The following MEIOSIN variants were observed in gnomAD, a reference collection of about 807,000 sequenced individuals.
MEIOSIN encodes meiosis initiator, also known as meiosis initiator protein.
In MEIOSIN, 18 loss-of-function variants were observed where a neutral mutation model predicts 23.4. The observed-to-expected ratio is 0.77, with a 90% CI of 0.53 to 1.14. The LOEUF is 1.14. Among genes scored for constraint, MEIOSIN ranks in the 50% most tolerant of loss-of-function variants. The pLI, the probability that MEIOSIN is intolerant of heterozygous loss-of-function variation, is 0.00. For synonymous variants in MEIOSIN, 187 were observed against 100.6 expected (o/e 1.86, Z -5.14); for missense variants, 428 against 242.9 (o/e 1.76, Z -5.07).
chr19:45,755,506 T>G (rs904954875), intron 7 of MEIOSIN, among the ~76,000 whole-genome samples: 1 of 151,856 alleles, frequency 6.6e-6, no homozygotes, highest in African/African-American at 2.4e-5. Context: ...CATGCTGGAG[T>G]GCAGTGGTGC....
Position 45,762,022 on chromosome 19 carries a change from A to C in MEIOSIN, c.1518A>C (p.Ser506=). The C allele has an allele frequency of 2.1e-6, 1 of 486,188 alleles. No homozygotes were observed. Among genetic ancestry groups the C allele is most frequent in the South Asian group, 4.0e-5 (1 of 25,088 alleles). 30.1% of individuals were successfully genotyped at this position (486,188 alleles called of 1,614,324 possible). A position where few individuals can be genotyped will look rare whatever the true frequency, so the allele number is the denominator to read the frequency against. The change falls in exon 13 of 15, where the codon TCA becomes TCC. Residue 506 remains serine (S), a synonymous_variant. Coordinates refer to ENST00000457052, the MANE Select transcript of MEIOSIN (RefSeq NM_001310124.2). ...CATGGACCCCCACCCGGCTGGCCTC[A>C]CCCCTGCTGGCAGCTGAGAAAAAGG... ...DTTWTPTRLA[S]PLLAAEKKAT...
At chr19:45,743,610 C>T (rs1274206573) in intron 3 of MEIOSIN, among the ~76,000 whole-genome samples, 1 of 152,092 alleles carries the variant, frequency 6.6e-6, no homozygotes, top group Non-Finnish European at 1.5e-5. Flanking sequence ...CAACCTGTGC[C>T]TCCTAGGCTC....
intron 5 of MEIOSIN, among the ~76,000 whole-genome samples, chr19:45,753,351 G>T (rs866539922): frequency 6.6e-6 from 1 of 152,170 alleles, no homozygotes; most frequent in Non-Finnish European, 1.5e-5. Context: ...GCGGGAGGAG[G>T]TACTGGTGTG....
rs61729469 is a variant in MEIOSIN at position 45,754,561 on chromosome 19, G to A, written c.639G>A (p.Gln213=). 5.4e-5 allele frequency: 38 copies of A among 702,940 alleles called. No homozygotes were observed. Among genetic ancestry groups the A allele is most frequent in the Admixed American group, 2.4e-4 (12 of 49,994 alleles). The allele number at this position is 702,940 out of a possible 1,614,324, so 43.5% of individuals were successfully genotyped here. Reference sequence around the variant, plus strand: ...AGCTGGTGGCCCCATCCCCAGACCAGAAAGGAAGTGGCACAGGGGGGACCA... The same window carrying A: ...AGCTGGTGGCCCCATCCCCAGACCAAAAAGGAAGTGGCACAGGGGGGACCA... ...PEKLVAPSPD[Q]KGSGTGGTTT... is the part of the protein sequence containing the mutation. The change falls in exon 7 of 15, where the codon CAG becomes CAA. Residue 213 remains glutamine (Q), a synonymous_variant. Transcript: ENST00000457052.
intron 5 of MEIOSIN, among the ~76,000 whole-genome samples, chr19:45,751,416 C>T (rs950321573): frequency 3.3e-5 from 5 of 151,844 alleles, no homozygotes; most frequent in African/African-American, 1.2e-4. Context: ...TGCTGGAAAC[C>T]ATTTGGGATC....
chr19:45,737,870 C>T lies in MEIOSIN; in HGVS notation c.72-1756C>T, dbSNP rs894261891. Among the ~76,000 whole-genome samples, 14 of 151,016 alleles carry T rather than the reference C, an allele frequency of 9.3e-5. No homozygotes were observed. The East Asian group carries it at 1.2e-3, about 13-fold the overall frequency. Reference sequence around the variant, plus strand: ...CCAGGAGGCAGAGGTTGCAGTGAGCCGAGATCGCGCCATTGCACTCCAGCC... The same window carrying T: ...CCAGGAGGCAGAGGTTGCAGTGAGCTGAGATCGCGCCATTGCACTCCAGCC... On this transcript the variant is annotated intron_variant, in intron 2 of 14. Coordinates refer to ENST00000457052, the MANE Select transcript of MEIOSIN (RefSeq NM_001310124.2).
At chr19:45,737,175 C>A (rs978542047) in intron 2 of MEIOSIN, among the ~76,000 whole-genome samples, 3 of 140,664 alleles carry the variant, frequency 2.1e-5, no homozygotes, top group African/African-American at 7.8e-5. Context: ...GGCTTCTTTC[C>A]TTTTTTTTTT....
At chr19:45,735,038 C>T (rs1204831744) in intron 1 of MEIOSIN, among the ~76,000 whole-genome samples, 1 of 151,738 alleles carries the variant, frequency 6.6e-6, no homozygotes, top group African/African-American at 2.4e-5. Flanking sequence ...GGATTACAGT[C>T]GTGCACCACC....
intron 3 of MEIOSIN, 116 bp from the exon 4 acceptor site, chr19:45,745,076 G>A: frequency 1.5e-6 from 1 of 655,804 alleles, no homozygotes; most frequent in Non-Finnish European, 2.8e-6. Context: ...TGTCCTCGGT[G>A]TCCAGGGTGG....
rs1050882902 is a variant in MEIOSIN at position 45,754,723 on chromosome 19, A to T, written c.801A>T (p.Ser267=). The T allele has an allele frequency of 4.3e-6, 3 of 694,226 alleles. No homozygotes were observed. The highest frequency in any genetic ancestry group is 3.5e-5 in the African/African-American group (2 of 56,938). The allele number at this position is 694,226 out of a possible 1,614,324, so 43.0% of individuals were successfully genotyped here. A position where few individuals can be genotyped will look rare whatever the true frequency, so the allele number is the denominator to read the frequency against. Residue 267 remains serine (S), a splice_region_variant and synonymous_variant, in exon 7 of 15, where the codon TCA becomes TCT. Transcript: ENST00000457052. ...LAEDTIHCDI[S]SCWCQGSVQD... is the part of the protein sequence containing the mutation. ...AGGACACCATCCACTGTGACATCTCAAGTGGGTCTCTTTCCTCACTCTGAA... is the reference window on the plus strand; with the variant it reads ...AGGACACCATCCACTGTGACATCTCTAGTGGGTCTCTTTCCTCACTCTGAA...
At chr19:45,758,520 C>T (rs1278774417) in intron 9 of MEIOSIN, among the ~76,000 whole-genome samples, 1 of 152,056 alleles carries the variant, frequency 6.6e-6, no homozygotes, top group African/African-American at 2.4e-5. Flanking sequence ...ACCTCTGCTC[C>T]TGGGTTCAAG....
Position 45,753,738 on chromosome 19 carries a change from T to G in MEIOSIN, c.506T>G (p.Leu169Arg), listed in dbSNP as rs181208483. The stretch of plus-strand genomic sequence containing the variant: ...TCCCCAAGCTCTCAGAAGTCCTGTC[T>G]CCAGGGGGCGTGCCAGAAGCCTCGG... ...SSSPSSQKSC[L>R]QGACQKPRKK... is the part of the protein sequence containing the mutation. Residue 169 changes from leucine to arginine, a missense_variant, in exon 6 of 15, where the codon CTC (leucine) becomes CGC (arginine). Physicochemically the swap from Leu to Arg is moderately radical, Grantham distance 102. Transcript: ENST00000457052. 124 of 702,854 alleles carry G rather than the reference T, an allele frequency of 1.8e-4. No homozygotes were observed. The East Asian group carries it at 3.1e-3, about 17-fold the overall frequency. The allele number at this position is 702,854 out of a possible 1,614,324, so 43.5% of individuals were successfully genotyped here.
rs1172432170 is a variant in MEIOSIN, at chr19:45,754,462, A to C, written c.557-17A>C. 2.9e-6 allele frequency: 2 copies of C among 697,882 alleles called. No homozygotes were observed. The highest frequency in any genetic ancestry group is 5.2e-6 in the Non-Finnish European group (2 of 381,834). 43.2% of individuals were successfully genotyped at this position (697,882 alleles called of 1,614,324 possible). A position where few individuals can be genotyped will look rare whatever the true frequency, so the allele number is the denominator to read the frequency against. ...GACTCCCAGGCCCCTCTGACACCTG[A>C]ACCTCTGCTCCCCCAGAAAGCCAGA... On this transcript the variant is annotated splice_polypyrimidine_tract_variant and intron_variant, in intron 6 of 14. Coordinates refer to ENST00000457052, the MANE Select transcript of MEIOSIN (RefSeq NM_001310124.2).
intron 9 of MEIOSIN, among the ~76,000 whole-genome samples, chr19:45,758,149 A>C (rs1358598609): frequency 3.3e-5 from 5 of 152,034 alleles, no homozygotes; most frequent in African/African-American, 1.2e-4. Context: ...GTGCACCACC[A>C]CGCCTAGCAA....
At chr19:45,747,942 A>G (rs1290883851) in intron 4 of MEIOSIN, among the ~76,000 whole-genome samples, 1 of 142,818 alleles carries the variant, frequency 7.0e-6, no homozygotes, top group Non-Finnish European at 1.6e-5. Flanking sequence ...TCTACAAAAA[A>G]TACAAAAATT....
Position 45,754,590 on chromosome 19 carries a change from C to T in MEIOSIN, c.668C>T (p.Thr223Ile). 8.5e-6 allele frequency: 6 copies of T among 703,106 alleles called. No homozygotes were observed. The highest frequency in any genetic ancestry group is 1.3e-5 in the Non-Finnish European group (5 of 385,024). The allele number at this position is 703,106 out of a possible 1,614,324, so 43.6% of individuals were successfully genotyped here. Residue 223 changes from threonine to isoleucine, a missense_variant, in exon 7 of 15, where the codon ACC (threonine) becomes ATC (isoleucine). Thr to Ile is a moderately conservative substitution (Grantham distance 89). Coordinates refer to ENST00000457052, the MANE Select transcript of MEIOSIN (RefSeq NM_001310124.2). ...GGAAGTGGCACAGGGGGGACCACTA[C>T]CCCTCCAAGGTGCCCTGACTCCTGC... is the stretch of plus-strand genomic sequence containing the variant. The part of the protein sequence containing the change: ...QKGSGTGGTT[T>I]PPRCPDSCGH...
intron 14 of MEIOSIN, 42 bp downstream of exon 14, chr19:45,763,469 A>G: frequency 2.5e-6 from 1 of 398,524 alleles, no homozygotes; most frequent in South Asian, 1.3e-4. Context: ...GGGGTGGAAG[A>G]GCCTCCCTAC....
At chr19:45,758,627 A>G (rs575935256) in intron 9 of MEIOSIN, among the ~76,000 whole-genome samples, 1 of 151,844 alleles carries the variant, frequency 6.6e-6, no homozygotes, top group Non-Finnish European at 1.5e-5. Context: ...ACGGGGTTTC[A>G]CCATGTTAGC....
chr19:45,748,009 G>C (rs563331645), intron 4 of MEIOSIN, among the ~76,000 whole-genome samples: 4 of 152,094 alleles, frequency 2.6e-5, no homozygotes, highest in African/African-American at 7.2e-5. Context: ...GCTTGAGCCT[G>C]GGAAGTGGAG....
Sources: gnomAD v4.1 joint callset for allele counts (sites outside exome capture counted in the v4.1 genomes callset) on GRCh38, gnomAD v4.1.1 for gene constraint, MANE v1.5 for transcripts, NCBI Gene and HGNC (gene_info 2026-07-23, HGNC 2026-07-21) for gene names.